CFAP77: variants seen among roughly 807,000 people sequenced by gnomAD.
The protein encoded by CFAP77 is cilia and flagella associated protein 77.
Under a neutral mutation model 31.1 loss-of-function variants are expected in CFAP77, and 25 were observed. The ratio of observed to expected loss-of-function variants is 0.80; its 90% confidence interval spans 0.59 to 1.12. The LOEUF (loss-of-function observed/expected upper bound fraction) is 1.12, where lower values mean the gene tolerates loss of function less well. Among genes scored for constraint, CFAP77 ranks in the 50% most tolerant of loss-of-function variants. The pLI is 0.00. For synonymous variants in CFAP77, 151 were observed against 159.9 expected (o/e 0.94, Z 0.42); for missense variants, 377 against 397.3 (o/e 0.95, Z 0.44).
chr9:132,439,505 T>G (rs531885990), intron 1 of CFAP77, among the ~76,000 whole-genome samples: 24 of 152,118 alleles, frequency 1.6e-4, no homozygotes, highest in Non-Finnish European at 3.4e-4. Flanking sequence ...TGATTCATCT[T>G]CAGATAAATC....
At chr9:132,428,188 T>TC (rs199761614) in intron 1 of CFAP77, among the ~76,000 whole-genome samples, 1 of 149,538 alleles carries the variant, frequency 6.7e-6, no homozygotes, top group Non-Finnish European at 1.5e-5. Context: ...TTTTTTTTTT[T>TC]CACAGAGACA....
chr9:132,427,658 G>A (rs1313971456), intron 1 of CFAP77, among the ~76,000 whole-genome samples: 1 of 152,106 alleles, frequency 6.6e-6, no homozygotes, highest in Admixed American at 6.5e-5. Context: ...TTCCCTCAGA[G>A]TTCTGGATGC....
chr9:132,537,704 AAGG>A lies in CFAP77; in HGVS notation c.629_630+1del. 1 of 1,612,282 alleles carries A rather than the reference AAGG, an allele frequency of 6.2e-7. No homozygotes were observed. The highest frequency in any genetic ancestry group is 8.5e-7 in the Non-Finnish European group (1 of 1,178,704). On this transcript the variant is annotated splice_donor_variant and coding_sequence_variant, in exon 4 of 6. Transcript: ENST00000393216. LOFTEE classifies it high-confidence loss of function. ...AGCCATCAAACTGGAGAAGAAGCAG[AAGG>A]TAAATGCAGCCCTCGCTCCCAAGTT... is the stretch of plus-strand genomic sequence containing the variant.
rs964155738 is a variant in CFAP77, at chr9:132,424,700, G to A, written c.195+14234G>A. Among the ~76,000 whole-genome samples, 4 of 152,262 alleles carry A rather than the reference G, an allele frequency of 2.6e-5. No individual in the cohort carries two copies. Among genetic ancestry groups the A allele is most frequent in the East Asian group, 1.9e-4 (1 of 5,180 alleles). ...ACTTGAAAGTTTAAAGAAGAGACTC[G>A]GGATAAAGACGCATAGATACCGGGT... is the stretch of plus-strand genomic sequence containing the variant. On this transcript the variant is annotated intron_variant, in intron 1 of 5. Coordinates refer to ENST00000393216, the MANE Select transcript of CFAP77 (RefSeq NM_001282957.2). This position sits in a 1 kb window ranked among gnomAD's most constrained non-coding sequence, Gnocchi z 4.1.
intron 3 of CFAP77, among the ~76,000 whole-genome samples, chr9:132,534,566 CTG>C (rs1589912496): frequency 6.9e-6 from 1 of 145,262 alleles, no homozygotes; most frequent in East Asian, 2.0e-4. Context: ...GAGCTGAGAT[CTG>C]CCACTGCACT....
At position 132,410,412 on chromosome 9, in the gene CFAP77, C is replaced by G. The variant is rs1849968346; in HGVS notation, c.141C>G (p.Asn47Lys). The change falls in exon 1 of 6, where the codon AAC (asparagine) becomes AAG (lysine). Residue 47 changes from asparagine (N) to lysine (K), a missense_variant. By Grantham distance (94) the Asn-to-Lys change is moderately conservative. Coordinates refer to ENST00000393216, the MANE Select transcript of CFAP77 (RefSeq NM_001282957.2). ...CGGACATCCGTTCCGGCATGGAGAA[C>G]GAGCGGCTGGGGGTCGTGCGGGACT... ...TVADIRSGME[N>K]ERLGVVRDSM... 1 of 1,602,232 alleles carries G rather than the reference C, an allele frequency of 6.2e-7. No individual in the cohort carries two copies. The highest frequency in any genetic ancestry group is 8.5e-7 in the Non-Finnish European group (1 of 1,175,594).
At chr9:132,571,769 C>T (rs376997215) in intron 5 of CFAP77, among the ~76,000 whole-genome samples, 52 of 152,156 alleles carry the variant, frequency 3.4e-4, no homozygotes, top group Non-Finnish European at 5.0e-4. Context: ...CACCAGGAGG[C>T]GAGGCGGGGT....
At position 132,565,322 on chromosome 9, in the gene CFAP77, C is replaced by T. The variant is rs1236349701; in HGVS notation, c.733-7066C>T. On this transcript the variant is annotated intron_variant, in intron 5 of 5. Transcript: ENST00000393216. This position sits in a 1 kb window ranked among gnomAD's most constrained non-coding sequence, Gnocchi z 4.1. ...CAGATGGAGGTAGATTTCCCCAGTC[C>T]ACAATCTTATTAAATAGCTCTTGTC... Among the ~76,000 whole-genome samples, 1 of 152,002 alleles carries T rather than the reference C, an allele frequency of 6.6e-6. No individual in the cohort carries two copies. The highest frequency in any genetic ancestry group is 1.5e-5 in the Non-Finnish European group (1 of 68,002).
At chr9:132,531,807 G>T (rs1180663823) in intron 3 of CFAP77, among the ~76,000 whole-genome samples, 1 of 152,188 alleles carries the variant, frequency 6.6e-6, no homozygotes, top group African/African-American at 2.4e-5. Context: ...GGGACTCCCA[G>T]GGTTTGTCGG....
Position 132,497,840 on chromosome 9 carries a change from G to C in CFAP77, c.196-855G>C, listed in dbSNP as rs927140460. Among the ~76,000 whole-genome samples the C allele has an allele frequency of 6.6e-6, 1 of 152,132 alleles. No individual in the cohort carries two copies. Among genetic ancestry groups the C allele is most frequent in the East Asian group, 1.9e-4 (1 of 5,186 alleles). On this transcript the variant is annotated intron_variant, in intron 1 of 5. Coordinates refer to ENST00000393216, the MANE Select transcript of CFAP77 (RefSeq NM_001282957.2). This position sits in a 1 kb window ranked among gnomAD's most constrained non-coding sequence, Gnocchi z 4.9. ...TGATGCAGCGGGTGCGATGGGGTTC[G>C]AAGCACTGTGCAGGACAGGGTCTCT...
chr9:132,479,355 T>C (rs787894), intron 1 of CFAP77, among the ~76,000 whole-genome samples: 101,472 of 151,986 alleles, frequency 0.67, 34,938 homozygotes, highest in East Asian at 0.85. Flanking sequence ...TTGTTCATCC[T>C]ACCATCGTGC....
intron 5 of CFAP77, among the ~76,000 whole-genome samples, chr9:132,569,784 G>C (rs575909855): frequency 1.4e-5 from 2 of 141,224 alleles, no homozygotes; most frequent in East Asian, 4.3e-4. Context: ...TGTCCAGGCT[G>C]GAGTGCAGTG....
At chr9:132,469,398 T>C (rs1851213717) in intron 1 of CFAP77, among the ~76,000 whole-genome samples, 1 of 152,260 alleles carries the variant, frequency 6.6e-6, no homozygotes, top group South Asian at 2.1e-4. Flanking sequence ...AATTATCTCC[T>C]GTGCGTGTGG....
intron 1 of CFAP77, among the ~76,000 whole-genome samples, chr9:132,446,762 A>T (rs1589855069): frequency 6.7e-6 from 1 of 150,374 alleles, no homozygotes. Context: ...AAAAAAAAAA[A>T]AAAAGATAAC....
chr9:132,415,423 C>T (rs1850079144), intron 1 of CFAP77, among the ~76,000 whole-genome samples: 2 of 152,202 alleles, frequency 1.3e-5, no homozygotes, highest in Admixed American at 6.5e-5. Flanking sequence ...TTCACCGGCT[C>T]GTCACCACCC....
intron 1 of CFAP77, among the ~76,000 whole-genome samples, chr9:132,488,456 G>C (rs1334748655): frequency 6.6e-6 from 1 of 152,134 alleles, no homozygotes; most frequent in East Asian, 1.9e-4. Flanking sequence ...AGGTACAGCT[G>C]TTTTGCAATA....
chr9:132,540,708 G>T (rs1852625449), intron 4 of CFAP77, among the ~76,000 whole-genome samples: 1 of 152,214 alleles, frequency 6.6e-6, no homozygotes, highest in Non-Finnish European at 1.5e-5. Context: ...TGAATAGTGT[G>T]ATCTTTTGGT....
At chr9:132,446,359 C>T (rs984559234) in intron 1 of CFAP77, among the ~76,000 whole-genome samples, 1 of 152,000 alleles carries the variant, frequency 6.6e-6, no homozygotes, top group Non-Finnish European at 1.5e-5. Context: ...TTTCTGTTTT[C>T]ACCGAGAACA....
intron 3 of CFAP77, among the ~76,000 whole-genome samples, chr9:132,519,574 A>ATG (rs1852222731): frequency 2.4e-5 from 1 of 41,804 alleles, no homozygotes; most frequent in African/African-American, 1.0e-4. Context: ...ATGGATGGAT[A>ATG]GATGGATGGA....
Sources: allele counts gnomAD v4.1 joint callset (sites outside exome capture counted in the v4.1 genomes callset), GRCh38; gene constraint gnomAD v4.1.1; non-coding constraint Gnocchi (gnomAD v3.1); transcripts MANE v1.5; gene names NCBI Gene and HGNC (gene_info 2026-07-23, HGNC 2026-07-21).